The following CPLX2 variants were observed in gnomAD, a reference collection of about 807,000 sequenced individuals.
CPLX2 encodes the protein complexin-2.
In CPLX2, 5 loss-of-function variants were observed where a neutral mutation model predicts 16.3. That is an observed-to-expected ratio of 0.31 (90% confidence interval 0.16 to 0.64). The LOEUF is 0.64. CPLX2 is among the 30% of genes least tolerant of loss of function. The pLI, the probability that CPLX2 is intolerant of heterozygous loss-of-function variation, is 0.79. For synonymous variants in CPLX2, 89 were observed against 73.2 expected, an observed-to-expected ratio of 1.22 and a Z score of -1.10; for missense variants, 144 against 181.4, an observed-to-expected ratio of 0.79 and a Z score of 1.18.
upstream of CPLX2, among the ~76,000 whole-genome samples, chr5:175,868,170 C>G (rs1400147366): frequency 6.6e-6 from 1 of 152,212 alleles, no homozygotes; most frequent in Non-Finnish European, 1.5e-5. Context: ...AGAGCTGGTG[C>G]CTGGCATTTC....
At chr5:175,879,140 C>T in intron 3 of CPLX2, 57 bp downstream of exon 3, 1 of 1,499,808 alleles carries the variant, frequency 6.7e-7, no homozygotes, top group Non-Finnish European at 9.0e-7. Context: ...AAAACCGGTC[C>T]AGCTAAAGCC....
At chr5:175,805,052 C>T (rs1188628828) in intron 1 of CPLX2, among the ~76,000 whole-genome samples, 2 of 152,206 alleles carry the variant, frequency 1.3e-5, no homozygotes, top group East Asian at 3.9e-4. Flanking sequence ...ACACTCAGCA[C>T]AATGCTTGGC....
At chr5:175,833,564 T>TG (rs200579581) in intron 2 of CPLX2, among the ~76,000 whole-genome samples, 29 of 152,042 alleles carry the variant, frequency 1.9e-4, no homozygotes, top group Non-Finnish European at 3.7e-4. Context: ...CAAATGGAAA[T>TG]GGGGGGGCCT....
At chr5:175,814,602 G>A (rs1490922290) in intron 2 of CPLX2, among the ~76,000 whole-genome samples, 1 of 152,152 alleles carries the variant, frequency 6.6e-6, no homozygotes, top group African/African-American at 2.4e-5. Flanking sequence ...GAGAGGGGCT[G>A]GGTGTGAATT....
chr5:175,865,178 A>G (rs144822363), intron 2 of CPLX2, among the ~76,000 whole-genome samples: 48 of 152,328 alleles, frequency 3.2e-4, no homozygotes, highest in African/African-American at 1.1e-3. Context: ...TTCCTCGACC[A>G]GAGGCCCCAT....
chr5:175,835,918 T>C (rs955384486), intron 2 of CPLX2, among the ~76,000 whole-genome samples: 8 of 151,842 alleles, frequency 5.3e-5, no homozygotes, highest in Admixed American at 4.6e-4. Flanking sequence ...TTCATATTTT[T>C]AGTAGAGATG....
intron 1 of CPLX2, among the ~76,000 whole-genome samples, chr5:175,806,392 GTGA>G (rs920497304): frequency 2.0e-5 from 3 of 152,154 alleles, no homozygotes; most frequent in Admixed American, 1.3e-4. Context: ...CTTCTCTAAG[GTGA>G]TGAAGAGAGA....
At chr5:175,797,081 C>T (rs1297895555) in intron 1 of CPLX2, among the ~76,000 whole-genome samples, 1 of 152,168 alleles carries the variant, frequency 6.6e-6, no homozygotes, top group African/African-American at 2.4e-5. Flanking sequence ...TCCTCCGCAC[C>T]CTCCGCCCTG....
chr5:175,798,521 C>A (rs2434236), intron 1 of CPLX2, among the ~76,000 whole-genome samples: 1 of 151,856 alleles, frequency 6.6e-6, no homozygotes, highest in Non-Finnish European at 1.5e-5. Flanking sequence ...AAGGAAAGAC[C>A]AGGAAAATGA....
chr5:175,879,394 C>G (rs1755513373), intron 3 of CPLX2, among the ~76,000 whole-genome samples: 1 of 152,138 alleles, frequency 6.6e-6, no homozygotes, highest in South Asian at 2.1e-4. Context: ...CGAAAAATAC[C>G]ACAGTGTCCT....
At chr5:175,865,809 C>T (rs142673103) in intron 2 of CPLX2, among the ~76,000 whole-genome samples, 98 of 152,272 alleles carry the variant, frequency 6.4e-4, no homozygotes, top group Middle Eastern at 3.4e-3. Flanking sequence ...CCTGGGCTTC[C>T]GTGTCAGAGA....
intron 1 of CPLX2, among the ~76,000 whole-genome samples, chr5:175,808,538 C>T (rs927181259): frequency 1.3e-5 from 2 of 152,034 alleles, no homozygotes; most frequent in African/African-American, 4.8e-5. Context: ...TTATATAGCA[C>T]TGAGTATATG....
rs1207173203 is a variant in CPLX2, at chr5:175,832,311, CAG to C, written c.-89+23248_-89+23249del. 4.6e-5 allele frequency among the ~76,000 whole-genome samples: 7 copies of C among 152,310 alleles called. 1 individual carries two copies. Among genetic ancestry groups the C allele is most frequent in the African/African-American group, 1.7e-4 (7 of 41,554 alleles). On this transcript the variant is annotated intron_variant, in intron 2 of 4. Coordinates refer to the CPLX2 transcript ENST00000359546. ...ATTGAGCACCATGCTTGCAACAACA[CAG>C]AGAGTTAAGTCTTGAAGGCCCCATT...
At chr5:175,870,549 C>T (rs1004295434), upstream of CPLX2, among the ~76,000 whole-genome samples, 2 of 152,046 alleles carry the variant, frequency 1.3e-5, no homozygotes, top group African/African-American at 2.4e-5. Flanking sequence ...TCCTACACAT[C>T]GGGCTGGAGT....
At chr5:175,864,577 C>T (rs1427230961) in intron 2 of CPLX2, among the ~76,000 whole-genome samples, 2 of 152,208 alleles carry the variant, frequency 1.3e-5, no homozygotes, top group African/African-American at 2.4e-5. Flanking sequence ...AGAGTGTGAA[C>T]TGGTCCGTGT....
chr5:175,862,346 C>A (rs145196078), intron 2 of CPLX2, among the ~76,000 whole-genome samples: 5 of 152,192 alleles, frequency 3.3e-5, no homozygotes, highest in Non-Finnish European at 2.9e-5. Context: ...ATGGGTAGTT[C>A]CACATGGGTG....
chr5:175,841,979 GCAGA>G (rs952430053), intron 2 of CPLX2, among the ~76,000 whole-genome samples: 7 of 152,358 alleles, frequency 4.6e-5, no homozygotes, highest in African/African-American at 1.4e-4. Context: ...GCTCAATGCA[GCAGA>G]CAGACAGACA....
At chr5:175,870,956 G>C (rs987045462), upstream of CPLX2, among the ~76,000 whole-genome samples, 1 of 152,126 alleles carries the variant, frequency 6.6e-6, no homozygotes, top group Non-Finnish European at 1.5e-5. Context: ...ACTGTGCTGG[G>C]GGGCTGCAAA....
chr5:175,816,125 C>T (rs889799274), intron 2 of CPLX2, among the ~76,000 whole-genome samples: 5 of 152,198 alleles, frequency 3.3e-5, no homozygotes, highest in African/African-American at 4.8e-5. Flanking sequence ...AGGCCGGCTC[C>T]GCCACTATGC....
Sources: allele counts gnomAD v4.1 joint callset (sites outside exome capture counted in the v4.1 genomes callset), GRCh38; gene constraint gnomAD v4.1.1; transcripts MANE v1.5; gene names NCBI Gene and HGNC (gene_info 2026-07-23, HGNC 2026-07-21).